IL1RAP: variants seen among roughly 807,000 people sequenced by gnomAD.
IL1RAP encodes the protein interleukin 1 receptor accessory protein, also known as interleukin-1 receptor accessory protein.
IL1RAP carries 35 observed loss-of-function variants against 60.7 expected under a neutral mutation model. That is an observed-to-expected ratio of 0.58 (90% CI 0.44 to 0.76). IL1RAP has a LOEUF of 0.76. IL1RAP is among the 30% of genes least tolerant of loss of function. IL1RAP has a pLI of 0.00. For missense variants in IL1RAP, 572 were observed against 693.9 expected, an observed-to-expected ratio of 0.82 and a Z score of 1.97; for synonymous variants, 268 against 250.9, an observed-to-expected ratio of 1.07 and a Z score of -0.64.
chr3:190,517,644 G>C (rs1277190305), intron 1 of IL1RAP, among the ~76,000 whole-genome samples: 1 of 152,200 alleles, frequency 6.6e-6, no homozygotes, highest in Admixed American at 6.5e-5. Flanking sequence ...AAGCACACAG[G>C]CTTGCAAACG....
At chr3:190,656,527 C>A (rs1277681059) in exon 12 of IL1RAP, 1 of 1,537,212 alleles carries the variant, frequency 6.5e-7, no homozygotes. Context: ...CAGATTGGAA[C>A]CCCCTGCTCC....
chr3:190,571,181 G>A (rs573489425), intron 3 of IL1RAP, among the ~76,000 whole-genome samples: 1 of 152,106 alleles, frequency 6.6e-6, no homozygotes, highest in Non-Finnish European at 1.5e-5. Context: ...ATTATGGTGG[G>A]TTTTATTTTT....
At chr3:190,614,518 C>A (rs1403269564) in intron 5 of IL1RAP, among the ~76,000 whole-genome samples, 1 of 151,936 alleles carries the variant, frequency 6.6e-6, no homozygotes, top group African/African-American at 2.4e-5. Flanking sequence ...CGTATTGTTC[C>A]AAACGCTTGA....
intron 5 of IL1RAP, among the ~76,000 whole-genome samples, chr3:190,615,724 G>GTGAAATTAACCAGAAT (rs11273559): frequency 0.015 from 2,324 of 152,030 alleles, 53 homozygotes; most frequent in African/African-American, 0.046. Context: ...CATTTTTATT[G>GTGAAATTAACCAGAAT]TGGTCAAGCA....
intron 3 of IL1RAP, among the ~76,000 whole-genome samples, chr3:190,587,717 C>G (rs533870805): frequency 6.6e-6 from 1 of 152,134 alleles, no homozygotes; most frequent in African/African-American, 2.4e-5. Flanking sequence ...TCAAATTGGG[C>G]GGAGTGTTTG....
chr3:190,587,673 A>C (rs538293767), intron 3 of IL1RAP, among the ~76,000 whole-genome samples: 1 of 152,396 alleles, frequency 6.6e-6, no homozygotes, highest in Admixed American at 6.5e-5. Flanking sequence ...AAGGAAAAGA[A>C]AACATGGTTT....
chr3:190,591,204 C>T (rs534461168), intron 3 of IL1RAP, among the ~76,000 whole-genome samples: 73 of 152,270 alleles, frequency 4.8e-4, no homozygotes, highest in Non-Finnish European at 8.1e-4. Context: ...ATTATGTGAC[C>T]AGCTCTCCGC....
At chr3:190,575,529 G>A (rs1727362711) in intron 3 of IL1RAP, among the ~76,000 whole-genome samples, 1 of 152,166 alleles carries the variant, frequency 6.6e-6, no homozygotes, top group African/African-American at 2.4e-5. Flanking sequence ...CTATTTAATT[G>A]AGAATTGAGG....
rs536189945 is a variant in IL1RAP, at chr3:190,529,292, C to T, written c.-89+15073C>T. On this transcript the variant is annotated intron_variant, in intron 1 of 11. Coordinates refer to ENST00000447382, the MANE Select transcript of IL1RAP (RefSeq NM_002182.4). ...AGTGGCTCAGCCTGTAATCCCCGCA[C>T]TTTGGGAGGGCCGAGGCAGGTGGAT... Among the ~76,000 whole-genome samples the T allele has an allele frequency of 4.6e-5, 7 of 152,250 alleles. No individual in the cohort carries two copies. The East Asian group carries it at 1.4e-3, about 30-fold the overall frequency.
chr3:190,649,702 TTAGTGG>T lies in IL1RAP; in HGVS notation c.*998_*1003del. ...CCATTGTAAAGGGCGGAGGTCAGTC[TTAGTGG>T]CCTTGAGAGTTGCTTTTGGCATTAA... On this transcript the variant is annotated 3_prime_UTR_variant, in exon 12 of 12. Transcript: ENST00000447382. 1 of 985,866 alleles carries T rather than the reference TTAGTGG, an allele frequency of 1.0e-6. No homozygotes were observed. The highest frequency in any genetic ancestry group is 1.2e-6 in the Non-Finnish European group (1 of 829,910). 61.1% of individuals were successfully genotyped at this position (985,866 alleles called of 1,614,324 possible).
chr3:190,574,347 T>A (rs1317493386), intron 3 of IL1RAP, among the ~76,000 whole-genome samples: 2 of 152,192 alleles, frequency 1.3e-5, no homozygotes, highest in East Asian at 3.9e-4. Flanking sequence ...GGAAAGCAGT[T>A]CTATACAGGA....
At chr3:190,526,395 A>G (rs556548898) in intron 1 of IL1RAP, among the ~76,000 whole-genome samples, 2 of 152,250 alleles carry the variant, frequency 1.3e-5, no homozygotes, top group South Asian at 2.1e-4. Flanking sequence ...ATTCACCTCT[A>G]TTTGTCCCAC....
At chr3:190,590,991 ATCT>A (rs1315252142) in intron 3 of IL1RAP, among the ~76,000 whole-genome samples, 1 of 152,150 alleles carries the variant, frequency 6.6e-6, no homozygotes, top group Admixed American at 6.5e-5. Context: ...AGTTTGTAAA[ATCT>A]TCTCATTTGC....
chr3:190,609,095 A>G lies in IL1RAP; in HGVS notation c.451A>G (p.Ile151Val), dbSNP rs754144368. 1.9e-6 allele frequency: 3 copies of G among 1,613,306 alleles called. No individual in the cohort carries two copies. The highest frequency in any genetic ancestry group is 2.5e-6 in the Non-Finnish European group (3 of 1,179,472). ...GAAACTCCCAGTGCATAAACTGTATATAGAATATGGCATTCAGAGGATCAC... is the reference window on the plus strand; with the variant it reads ...GAAACTCCCAGTGCATAAACTGTATGTAGAATATGGCATTCAGAGGATCAC... ...PMKLPVHKLY[I>V]EYGIQRITCP... The change falls in exon 5 of 12, where the codon ATA becomes GTA. Residue 151 changes from isoleucine (I) to valine (V), a missense_variant. Transcript: ENST00000447382.
chr3:190,517,510 CT>C (rs1721633194), intron 1 of IL1RAP, among the ~76,000 whole-genome samples: 1 of 152,196 alleles, frequency 6.6e-6, no homozygotes, highest in African/African-American at 2.4e-5. Flanking sequence ...TTCACTCCTC[CT>C]TGTGGAAAGT....
intron 3 of IL1RAP, among the ~76,000 whole-genome samples, chr3:190,599,052 A>G (rs2108739968): frequency 6.6e-6 from 1 of 152,308 alleles, no homozygotes; most frequent in East Asian, 1.9e-4. Flanking sequence ...TGTTAATGAC[A>G]TCAGATAATC....
intron 1 of IL1RAP, among the ~76,000 whole-genome samples, chr3:190,542,576 A>G (rs76242727): frequency 0.017 from 2,592 of 152,208 alleles, 78 homozygotes; most frequent in African/African-American, 0.058. Context: ...GTTATTCTCA[A>G]GGTTAATTTT....
At chr3:190,647,651 G>A (rs776733485) in intron 11 of IL1RAP, among the ~76,000 whole-genome samples, 5 of 152,144 alleles carry the variant, frequency 3.3e-5, no homozygotes, top group Non-Finnish European at 4.4e-5. Flanking sequence ...AAGATCCAGC[G>A]ATTAATTTAG....
intron 5 of IL1RAP, among the ~76,000 whole-genome samples, chr3:190,610,510 T>C (rs1182711944): frequency 1.3e-5 from 2 of 151,570 alleles, no homozygotes; most frequent in African/African-American, 4.8e-5. Flanking sequence ...GAGAAAAAAT[T>C]AAAATTAAAA....
Sources: allele counts gnomAD v4.1 joint callset (sites outside exome capture counted in the v4.1 genomes callset), GRCh38; gene constraint gnomAD v4.1.1; transcripts MANE v1.5; gene names NCBI Gene and HGNC (gene_info 2026-07-23, HGNC 2026-07-21).